Variants in MAGI2 observed in about 807,000 individuals in gnomAD.
MAGI2 encodes membrane-associated guanylate kinase, WW and PDZ domain-containing protein 2.
In MAGI2, 35 loss-of-function variants were observed where a neutral mutation model predicts 133.3. The observed-to-expected ratio is 0.26, with a 90% CI of 0.20 to 0.35. The LOEUF is 0.35. Among genes scored for constraint, MAGI2 ranks in the 10% least tolerant of loss-of-function variants. The pLI is 1.00. For synonymous variants in MAGI2, 729 were observed against 710.6 expected, an observed-to-expected ratio of 1.03 and a Z score of -0.41; for missense variants, 1,636 against 1,863.4, an observed-to-expected ratio of 0.88 and a Z score of 2.25.
chr7:78,806,585 G>T (rs539882915), intron 2 of MAGI2, among the ~76,000 whole-genome samples: 6 of 151,882 alleles, frequency 4.0e-5, no homozygotes, highest in African/African-American at 1.5e-4. Context: ...TTTATGATGG[G>T]GCCATCAAGG....
chr7:79,085,838 T>TTTTGTATAAA (rs1816437029), intron 1 of MAGI2, among the ~76,000 whole-genome samples: 1 of 151,898 alleles, frequency 6.6e-6, no homozygotes, highest in African/African-American at 2.4e-5. Flanking sequence ...TTCCCAGCCT[T>TTTTGTATAAA]CCATGAGGGC....
At chr7:78,475,862 C>T (rs930245561) in intron 6 of MAGI2, among the ~76,000 whole-genome samples, 1 of 151,778 alleles carries the variant, frequency 6.6e-6, no homozygotes, top group Non-Finnish European at 1.5e-5. Flanking sequence ...TCCAGCCCAT[C>T]TTTAAAATTC....
intron 9 of MAGI2, among the ~76,000 whole-genome samples, chr7:78,282,713 G>T (rs1437160802): frequency 6.6e-6 from 1 of 151,928 alleles, no homozygotes; most frequent in East Asian, 1.9e-4. Flanking sequence ...ATATAATTCT[G>T]AAATAAAATG....
chr7:78,314,538 G>T (rs1787208619), intron 9 of MAGI2, among the ~76,000 whole-genome samples: 1 of 152,142 alleles, frequency 6.6e-6, no homozygotes, highest in Non-Finnish European at 1.5e-5. Context: ...GCCCTAAGGA[G>T]CAATGATCCA....
chr7:78,880,025 A>G (rs749005675), intron 2 of MAGI2, among the ~76,000 whole-genome samples: 4 of 152,146 alleles, frequency 2.6e-5, no homozygotes, highest in Non-Finnish European at 4.4e-5. Flanking sequence ...AAAAATAGTC[A>G]AAAGAATTTA....
intron 8 of MAGI2, among the ~76,000 whole-genome samples, chr7:78,344,365 G>GC (rs1790686626): frequency 6.6e-6 from 1 of 152,194 alleles, no homozygotes; most frequent in Non-Finnish European, 1.5e-5. Context: ...CAGGTAGGAG[G>GC]TATGTGTCAG....
At chr7:78,633,231 G>GCCCA (rs1809221038) in intron 2 of MAGI2, among the ~76,000 whole-genome samples, 5 of 152,126 alleles carry the variant, frequency 3.3e-5, no homozygotes, top group African/African-American at 1.2e-4. Context: ...ACAGATACTG[G>GCCCA]GGTCTACTTG....
chr7:78,035,513 C>T (rs1810114058), intron 21 of MAGI2, among the ~76,000 whole-genome samples: 1 of 152,146 alleles, frequency 6.6e-6, no homozygotes, highest in African/African-American at 2.4e-5. Flanking sequence ...CTCTTCCTTT[C>T]CCTTAATCTC....
At chr7:79,019,907 G>T (rs1203804896) in intron 1 of MAGI2, among the ~76,000 whole-genome samples, 1 of 152,154 alleles carries the variant, frequency 6.6e-6, no homozygotes, top group Non-Finnish European at 1.5e-5. Context: ...TTGGTACCAG[G>T]AGTGGGGTGC....
At chr7:78,115,348 C>A in intron 20 of MAGI2, among the ~76,000 whole-genome samples, 1 of 151,876 alleles carries the variant, frequency 6.6e-6, no homozygotes, top group South Asian at 2.1e-4. Context: ...AGGAAAAGAA[C>A]AAAAATGATA....
intron 1 of MAGI2, among the ~76,000 whole-genome samples, chr7:79,371,079 T>C (rs994856001): frequency 2.0e-5 from 3 of 152,172 alleles, no homozygotes; most frequent in East Asian, 1.9e-4. Flanking sequence ...GATATTCCAG[T>C]TTTTTAAGGA....
chr7:78,884,298 G>A (rs969649955), intron 2 of MAGI2, among the ~76,000 whole-genome samples: 1 of 152,020 alleles, frequency 6.6e-6, no homozygotes. Flanking sequence ...AGTGACTTAA[G>A]CAGACCCAAT....
At chr7:78,850,549 G>A (rs936633738) in intron 2 of MAGI2, among the ~76,000 whole-genome samples, 6 of 152,056 alleles carry the variant, frequency 3.9e-5, no homozygotes, top group African/African-American at 1.2e-4. Context: ...AGTGATACAC[G>A]TTCCCAGTAT....
chr7:78,290,827 T>C (rs1388617029), intron 9 of MAGI2, among the ~76,000 whole-genome samples: 1 of 152,214 alleles, frequency 6.6e-6, no homozygotes, highest in African/African-American at 2.4e-5. Context: ...GAACAGCTCC[T>C]GAATGACTAC....
intron 20 of MAGI2, among the ~76,000 whole-genome samples, chr7:78,094,730 C>T (rs1817547740): frequency 6.6e-6 from 1 of 152,216 alleles, no homozygotes; most frequent in Admixed American, 6.5e-5. Flanking sequence ...CCAATAACTG[C>T]TACCAGCTGT....
Position 78,088,564 on chromosome 7 carries a change from T to C in MAGI2, c.3568-9479A>G, listed in dbSNP as rs115904453. On this transcript the variant is annotated intron_variant, in intron 20 of 21. Transcript: ENST00000354212. ...CTGTTGAGGCAATGAAGGATAAATA[T>C]GGTGAGTGCTGTTACCACCTCTAGT... is the stretch of plus-strand genomic sequence containing the variant. 8.8e-3 allele frequency among the ~76,000 whole-genome samples: 1,346 copies of C among 152,276 alleles called. 17 individuals are homozygous for C. Among genetic ancestry groups the C allele is most frequent in the African/African-American group, 0.031 (1,289 of 41,566 alleles).
chr7:78,545,554 G>T (rs1563150027), intron 3 of MAGI2, among the ~76,000 whole-genome samples: 1 of 152,094 alleles, frequency 6.6e-6, no homozygotes, highest in Non-Finnish European at 1.5e-5. Flanking sequence ...TAAACAGATT[G>T]TGTTTACCTG....
At chr7:78,805,677 A>T (rs1788516966) in intron 2 of MAGI2, among the ~76,000 whole-genome samples, 2 of 152,174 alleles carry the variant, frequency 1.3e-5, no homozygotes, top group African/African-American at 4.8e-5. Flanking sequence ...AGTATCTGTA[A>T]CTTTCACCTT....
chr7:79,250,506 A>G (rs1202805020), intron 1 of MAGI2, among the ~76,000 whole-genome samples: 1 of 152,202 alleles, frequency 6.6e-6, no homozygotes, highest in Non-Finnish European at 1.5e-5. Context: ...CAATAACTAA[A>G]AATGGAATGG....
Sources: gnomAD v4.1 joint callset for allele counts (sites outside exome capture counted in the v4.1 genomes callset) on GRCh38, gnomAD v4.1.1 for gene constraint, MANE v1.5 for transcripts, NCBI Gene and HGNC (gene_info 2026-07-23, HGNC 2026-07-21) for gene names.